The following ZCCHC24 variants were observed in gnomAD, a reference collection of about 807,000 sequenced individuals.
ZCCHC24 encodes zinc finger CCHC domain-containing protein 24.
ZCCHC24 carries 10 observed loss-of-function variants against 26.2 expected under a neutral mutation model. That is an observed-to-expected ratio of 0.38 (90% CI 0.24 to 0.65). ZCCHC24 has a LOEUF of 0.65. Among genes scored for constraint, ZCCHC24 ranks in the 30% least tolerant of loss-of-function variants. The pLI is 0.54. For missense variants in ZCCHC24, 243 were observed against 329.1 expected, an observed-to-expected ratio of 0.74 and a Z score of 2.03; for synonymous variants, 144 against 147.1, an observed-to-expected ratio of 0.98 and a Z score of 0.15.
chr10:79,430,668 T>A (rs372777826), intron 2 of ZCCHC24, among the ~76,000 whole-genome samples: 1 of 93,886 alleles, frequency 1.1e-5, no homozygotes, highest in East Asian at 3.8e-4. Flanking sequence ...CATGTGCACA[T>A]ACACTCACAC....
At chr10:79,443,392 T>C (rs1857314906) in intron 1 of ZCCHC24, among the ~76,000 whole-genome samples, 2 of 152,146 alleles carry the variant, frequency 1.3e-5, no homozygotes, top group South Asian at 2.1e-4. Context: ...AATGCCACCA[T>C]GGTAGGGGGA....
chr10:79,415,452 G>A (rs1200006039), intron 2 of ZCCHC24, among the ~76,000 whole-genome samples: 1 of 152,158 alleles, frequency 6.6e-6, no homozygotes, highest in East Asian at 1.9e-4. Flanking sequence ...CAGTGTCCTT[G>A]GCTGGCTTGC....
intron 2 of ZCCHC24, among the ~76,000 whole-genome samples, chr10:79,420,972 G>A (rs1246700409): frequency 6.6e-6 from 1 of 152,178 alleles, no homozygotes; most frequent in African/African-American, 2.4e-5. Flanking sequence ...AAGACTGAAT[G>A]AATTTTTCCC....
intron 1 of ZCCHC24, among the ~76,000 whole-genome samples, chr10:79,435,367 G>T (rs908658488): frequency 5.3e-5 from 8 of 152,122 alleles, no homozygotes; most frequent in Non-Finnish European, 1.0e-4. Context: ...CCATCTTGCG[G>T]CCACAGTCCC....
At chr10:79,388,870 G>A (rs1172963289) in intron 3 of ZCCHC24, among the ~76,000 whole-genome samples, 2 of 152,348 alleles carry the variant, frequency 1.3e-5, no homozygotes, top group East Asian at 1.9e-4. Flanking sequence ...GGCAACTGAG[G>A]CTCCAAGACG....
At position 79,425,631 on chromosome 10, in the gene ZCCHC24, G is replaced by C. The variant is rs144048901; in HGVS notation, c.447+6927C>G. Among the ~76,000 whole-genome samples the C allele has an allele frequency of 4.3e-3, 655 of 152,284 alleles. 2 individuals carry two copies. Among genetic ancestry groups the C allele is most frequent in the African/African-American group, 0.015 (617 of 41,548 alleles). Reference sequence around the variant, plus strand: ...TCACTAGCTGTGTGGCCTTGGGCAAGTCACTCCACTTCTCTGGGTCTCAGT... The same window carrying C: ...TCACTAGCTGTGTGGCCTTGGGCAACTCACTCCACTTCTCTGGGTCTCAGT... On this transcript the variant is annotated intron_variant, in intron 2 of 3. Transcript: ENST00000372336.
At chr10:79,386,649 G>A (rs1054308652) in intron 3 of ZCCHC24, among the ~76,000 whole-genome samples, 191 bp from the exon 4 acceptor site, 1 of 152,144 alleles carries the variant, frequency 6.6e-6, no homozygotes, top group African/African-American at 2.4e-5. Flanking sequence ...CACACCCGAT[G>A]AGGGGTGGGG....
chr10:79,424,275 T>A (rs12356658), intron 2 of ZCCHC24, among the ~76,000 whole-genome samples: 1 of 151,992 alleles, frequency 6.6e-6, no homozygotes, highest in South Asian at 2.1e-4. Flanking sequence ...TTGCTCATTG[T>A]GGTGTCCTCT....
chr10:79,441,093 C>G (rs1301330072), intron 1 of ZCCHC24, among the ~76,000 whole-genome samples: 1 of 150,908 alleles, frequency 6.6e-6, no homozygotes, highest in South Asian at 2.2e-4. Context: ...CACACACACA[C>G]ACACACACAC....
chr10:79,426,301 A>ACATTTT (rs1857027051), intron 2 of ZCCHC24, among the ~76,000 whole-genome samples: 1 of 152,252 alleles, frequency 6.6e-6, no homozygotes, highest in Non-Finnish European at 1.5e-5. Flanking sequence ...AGTGTTCTGC[A>ACATTTT]CATTTTACTC....
intron 1 of ZCCHC24, among the ~76,000 whole-genome samples, chr10:79,442,089 G>A (rs1589682496): frequency 6.6e-6 from 1 of 152,194 alleles, no homozygotes; most frequent in Non-Finnish European, 1.5e-5. Flanking sequence ...TTGGGTACCT[G>A]GAGAGAGAGA....
At position 79,445,203 on chromosome 10, in the gene ZCCHC24, G is replaced by A. The variant is rs1857348833; in HGVS notation, c.238C>T (p.Arg80Cys). The A allele has an allele frequency of 7.0e-6, 9 of 1,288,372 alleles. No homozygotes were observed. In the South Asian group the frequency reaches 1.9e-4, roughly 27 times the overall value. The allele number at this position is 1,288,372 out of a possible 1,614,324, so 79.8% of individuals were successfully genotyped here. ...CGCGCGGGGGCACCCACCTCTCCGC[G>A]CTGCAGCTGGAAGAAGCTGTTGAGA... ...SYLNSFFQLQRGEALSNSVYK... is the reference protein window; with the variant it reads ...SYLNSFFQLQCGEALSNSVYK... Residue 80 changes from arginine (R) to cysteine (C), a missense_variant, in exon 1 of 4, where the codon CGC becomes TGC. Transcript: ENST00000372336.
chr10:79,397,853 G>T (rs1211016846), intron 2 of ZCCHC24, among the ~76,000 whole-genome samples: 1 of 152,198 alleles, frequency 6.6e-6, no homozygotes, highest in South Asian at 2.1e-4. Context: ...GAAGCGTGGG[G>T]ACTGGGGCCA....
At chr10:79,428,492 A>ATTTC (rs112047064) in intron 2 of ZCCHC24, among the ~76,000 whole-genome samples, 11 of 133,922 alleles carry the variant, frequency 8.2e-5, no homozygotes, top group African/African-American at 2.8e-4. Flanking sequence ...TGCAAGATAA[A>ATTTC]AAGAGCTCTG....
chr10:79,435,974 T>G (rs1411875393), intron 1 of ZCCHC24, among the ~76,000 whole-genome samples: 5 of 152,046 alleles, frequency 3.3e-5, no homozygotes, highest in Non-Finnish European at 7.4e-5. Context: ...ATCTGTACAG[T>G]GTAAAATGGA....
rs1213193311 is a variant in ZCCHC24, at chr10:79,419,053, G to T, written c.447+13505C>A. ...CACGTTTGCATGTGTGCACATATGTGTCTGCGTGCATGCATGAAATTAAGC... is the reference window on the plus strand; with the variant it reads ...CACGTTTGCATGTGTGCACATATGTTTCTGCGTGCATGCATGAAATTAAGC... On this transcript the variant is annotated intron_variant, in intron 2 of 3. Coordinates refer to ENST00000372336, the MANE Select transcript of ZCCHC24 (RefSeq NM_153367.4). 3.9e-5 allele frequency among the ~76,000 whole-genome samples: 6 copies of T among 152,360 alleles called. No individual in the cohort carries two copies. The East Asian group carries it at 9.6e-4, about 25-fold the overall frequency.
chr10:79,390,040 A>AG (rs1328318864), intron 3 of ZCCHC24, among the ~76,000 whole-genome samples: 8 of 152,060 alleles, frequency 5.3e-5, no homozygotes, highest in Non-Finnish European at 7.3e-5. Flanking sequence ...ATTGTTTAAA[A>AG]AAAATTTTTT....
chr10:79,386,437 C>T lies in ZCCHC24; in HGVS notation c.634G>A (p.Gly212Ser). 1 of 1,602,244 alleles carries T rather than the reference C, an allele frequency of 6.2e-7. No homozygotes were observed. The highest frequency in any genetic ancestry group is 2.2e-5 in the East Asian group (1 of 44,490). ...HKQRPLEKPD[G>S]LDVSDQSKEH... ...TTGCTCTGGTCGGACACGTCCAGGC[C>T]GTCGGGCTTCTCCAGGGGTCTCTGC... Residue 212 changes from glycine to serine, a missense_variant, in exon 4 of 4, where the codon GGC becomes AGC. Transcript: ENST00000372336.
chr10:79,402,243 C>T (rs928249618), intron 2 of ZCCHC24, among the ~76,000 whole-genome samples: 4 of 152,180 alleles, frequency 2.6e-5, no homozygotes, highest in Non-Finnish European at 4.4e-5. Flanking sequence ...GGCTCTCCCA[C>T]GCCTGTCTTA....
Sources: gnomAD v4.1 joint callset for allele counts (sites outside exome capture counted in the v4.1 genomes callset) on GRCh38, gnomAD v4.1.1 for gene constraint, MANE v1.5 for transcripts, NCBI Gene and HGNC (gene_info 2026-07-23, HGNC 2026-07-21) for gene names.